Variants in MINDY2 observed in about 807,000 individuals in gnomAD.
MINDY2 encodes the protein MINDY lysine 48 deubiquitinase 2.
A neutral mutation model predicts 68.2 loss-of-function variants in MINDY2; 52 were observed. The observed-to-expected ratio is 0.76, with a 90% CI of 0.61 to 0.96. The LOEUF (loss-of-function observed/expected upper bound fraction) is 0.96. MINDY2 is among the 40% of genes least tolerant of loss of function. MINDY2 has a pLI of 0.00. For missense variants in MINDY2, 881 were observed against 773.4 expected (o/e 1.14, Z -1.65); for synonymous variants, 372 against 303.0 (o/e 1.23, Z -2.36).
intron 4 of MINDY2, chr15:58,815,384 T>G (rs1343754148): frequency 2.6e-5 from 4 of 152,312 alleles, no homozygotes; most frequent in African/African-American, 9.6e-5. Flanking sequence ...AGAGTCTCTC[T>G]GTGTCACCCA....
Position 58,772,119 on chromosome 15 carries a change from G to C in MINDY2, c.724G>C (p.Val242Leu). Residue 242 changes from valine (V) to leucine (L), a missense_variant, in exon 1 of 9, where the codon GTG becomes CTG. By Grantham distance (32) the Val-to-Leu change is conservative. Transcript: ENST00000559228. ...CAAGGAACGCTTCCCGGGACAATCT[G>C]TGTATCACATCAAGTGGATCCAGTG... is the stretch of plus-strand genomic sequence containing the variant. ...ASKERFPGQSVYHIKWIQWKE... is the reference protein window; with the variant it reads ...ASKERFPGQSLYHIKWIQWKE... 1 of 1,614,114 alleles carries C rather than the reference G, an allele frequency of 6.2e-7. No individual in the cohort carries two copies. Among genetic ancestry groups the C allele is most frequent in the African/African-American group, 1.3e-5 (1 of 75,058 alleles).
intron 6 of MINDY2, among the ~76,000 whole-genome samples, chr15:58,845,122 G>C (rs551367368): frequency 4.0e-5 from 6 of 151,628 alleles, no homozygotes; most frequent in Non-Finnish European, 7.4e-5. Context: ...TCATGCAAAT[G>C]AGGCCAGGTG....
Position 58,851,887 on chromosome 15 carries a change from G to C in MINDY2, c.1659G>C (p.Glu553Asp), listed in dbSNP as rs759413882. Residue 553 changes from glutamate (E) to aspartate (D), a missense_variant, in exon 8 of 9, where the codon GAG (glutamate) becomes GAC (aspartate). By Grantham distance (45) the Glu-to-Asp change is conservative. Coordinates refer to ENST00000559228, the MANE Select transcript of MINDY2 (RefSeq NM_001040450.3). ...TAGCAAAGAAACTCCAAGAGGAAGA[G>C]GACAGACGGGCTTCTCAATACTATC... ...LELAKKLQEE[E>D]DRRASQYYQE... 1.2e-6 allele frequency: 2 copies of C among 1,613,202 alleles called. No homozygotes were observed. The highest frequency in any genetic ancestry group is 1.7e-5 in the Admixed American group (1 of 59,826).
At chr15:58,825,852 C>T (rs889856534) in intron 5 of MINDY2, among the ~76,000 whole-genome samples, 16 of 152,108 alleles carry the variant, frequency 1.1e-4, no homozygotes, top group Admixed American at 9.2e-4. Context: ...GTGATCCTCC[C>T]ACCTCAGCCT....
chr15:58,772,206 A>C lies in MINDY2; in HGVS notation c.811A>C (p.Ile271Leu). The change falls in exon 1 of 9, where the codon ATC becomes CTC. Residue 271 changes from isoleucine (I) to leucine (L), a missense_variant. Coordinates refer to ENST00000559228, the MANE Select transcript of MINDY2 (RefSeq NM_001040450.3). ...NENGPCPLLA[I>L]LNVLLLAWKV... is the part of the protein sequence containing the mutation. ...GAACGGACCCTGCCCCTTGCTGGCCATCCTCAATGTTTTGCTCCTGGCCTG... is the reference window on the plus strand; with the variant it reads ...GAACGGACCCTGCCCCTTGCTGGCCCTCCTCAATGTTTTGCTCCTGGCCTG... 1 of 1,612,914 alleles carries C rather than the reference A, an allele frequency of 6.2e-7. No individual in the cohort carries two copies.
intron 3 of MINDY2, 49 bp downstream of exon 3, chr15:58,802,426 T>C: frequency 8.1e-7 from 1 of 1,229,824 alleles, no homozygotes; most frequent in African/African-American, 1.5e-5. Context: ...TTTAAATATA[T>C]ACATTGGTTT....
rs2140887808 is a variant in MINDY2 at position 58,858,494 on chromosome 15, A to T, written c.*3884A>T. ...TCACTAAGAGACAGATCATGAGAGG[A>T]AAGAGAACTAGAGGCCAATAAATAA... On this transcript the variant is annotated 3_prime_UTR_variant, in exon 9 of 9. Coordinates refer to ENST00000559228, the MANE Select transcript of MINDY2 (RefSeq NM_001040450.3). 2 of 152,286 alleles carry T rather than the reference A, an allele frequency of 1.3e-5. No homozygotes were observed. Among genetic ancestry groups the T allele is most frequent in the Middle Eastern group, 6.8e-3 (2 of 294 alleles). 9.4% of individuals were successfully genotyped at this position (152,286 alleles called of 1,614,324 possible).
chr15:58,816,431 G>A (rs1356296081), intron 4 of MINDY2, among the ~76,000 whole-genome samples: 4 of 151,664 alleles, frequency 2.6e-5, no homozygotes, highest in African/African-American at 4.8e-5. Context: ...GTTTTTTTGA[G>A]ACAAGATCTT....
intron 4 of MINDY2, among the ~76,000 whole-genome samples, chr15:58,819,236 C>T (rs575947400): frequency 1.2e-4 from 19 of 152,124 alleles, no homozygotes; most frequent in Non-Finnish European, 2.5e-4. Context: ...ATTGCTTGAG[C>T]CCAGGAGTTT....
chr15:58,782,464 A>G (rs1372034740), intron 1 of MINDY2, among the ~76,000 whole-genome samples: 2 of 152,144 alleles, frequency 1.3e-5, no homozygotes, highest in Admixed American at 1.3e-4. Flanking sequence ...AGCAGACATC[A>G]TTTTCTTCTA....
chr15:58,814,220 G>A (rs1256403902), intron 4 of MINDY2, among the ~76,000 whole-genome samples: 2 of 152,124 alleles, frequency 1.3e-5, no homozygotes, highest in Admixed American at 1.3e-4. Context: ...GATTACAGGC[G>A]TGAGCCATCG....
intron 1 of MINDY2, among the ~76,000 whole-genome samples, chr15:58,775,588 T>C (rs1234365034): frequency 6.6e-6 from 1 of 152,110 alleles, no homozygotes; most frequent in African/African-American, 2.4e-5. Context: ...GTCCCCCTCT[T>C]TGATGAGGAT....
intron 1 of MINDY2, among the ~76,000 whole-genome samples, chr15:58,784,564 C>G (rs1481898468): frequency 1.3e-5 from 2 of 150,842 alleles, no homozygotes; most frequent in Non-Finnish European, 1.5e-5. Context: ...TAGATAATTA[C>G]TAAAATAGGT....
chr15:58,789,479 CAG>C (rs2140923057), intron 2 of MINDY2, among the ~76,000 whole-genome samples: 1 of 151,026 alleles, frequency 6.6e-6, no homozygotes, highest in African/African-American at 2.4e-5. Flanking sequence ...TCTTTTGAGA[CAG>C]AGTCTTACTC....
At chr15:58,839,346 T>TTTGTTTG (rs1567071324) in intron 6 of MINDY2, among the ~76,000 whole-genome samples, 4,791 of 87,456 alleles carry the variant, frequency 0.055, 264 homozygotes, top group African/African-American at 0.23. Context: ...TTGTTTGTTT[T>TTTGTTTG]TTTGAGATGA....
intron 2 of MINDY2, among the ~76,000 whole-genome samples, chr15:58,792,769 A>G (rs1186626222): frequency 6.6e-6 from 1 of 152,246 alleles, no homozygotes; most frequent in East Asian, 1.9e-4. Context: ...ATGCTATAAC[A>G]TGGATGAACC....
intron 8 of MINDY2, among the ~76,000 whole-genome samples, chr15:58,854,047 A>T (rs1282191387): frequency 6.6e-6 from 1 of 152,068 alleles, no homozygotes; most frequent in Non-Finnish European, 1.5e-5. Context: ...GTGTGAGACC[A>T]GCCTGGCCAA....
chr15:58,833,730 C>T (rs2031857089), intron 6 of MINDY2, among the ~76,000 whole-genome samples: 1 of 152,138 alleles, frequency 6.6e-6, no homozygotes, highest in Admixed American at 6.6e-5. Flanking sequence ...CGGTTTTCCC[C>T]TGTCTCAGTA....
rs188067428 is a variant in MINDY2 at position 58,777,187 on chromosome 15, C to T, written c.840+4952C>T. Among the ~76,000 whole-genome samples the T allele has an allele frequency of 1.8e-4, 28 of 152,108 alleles. No homozygotes were observed. The East Asian group carries it at 2.5e-3, about 14-fold the overall frequency. ...GGTCTTTCCCTAGTTCGCTTATGTC[C>T]GGAAATAGGAGCAGGAAGAATGACT... On this transcript the variant is annotated intron_variant, in intron 1 of 8. Coordinates refer to ENST00000559228, the MANE Select transcript of MINDY2 (RefSeq NM_001040450.3).
Sources: allele counts gnomAD v4.1 joint callset (sites outside exome capture counted in the v4.1 genomes callset), GRCh38; gene constraint gnomAD v4.1.1; transcripts MANE v1.5; gene names NCBI Gene and HGNC (gene_info 2026-07-23, HGNC 2026-07-21).